NCK2: variants seen among roughly 807,000 people sequenced by gnomAD.
NCK2 encodes NCK adaptor protein 2.
NCK2 carries 16 observed loss-of-function variants against 33.9 expected under a neutral mutation model. The ratio of observed to expected loss-of-function variants is 0.47; its 90% CI spans 0.32 to 0.72. NCK2 has a LOEUF of 0.72. Among genes scored for constraint, NCK2 ranks in the 30% least tolerant of loss-of-function variants. The pLI, the probability that NCK2 is intolerant of heterozygous loss-of-function variation, is 0.03. For synonymous variants in NCK2, 273 were observed against 239.9 expected (o/e 1.14, Z -1.27); for missense variants, 418 against 537.3 (o/e 0.78, Z 2.19).
At chr2:105,861,903 T>TCCCTCCCTC (rs1677550305) in intron 3 of NCK2, among the ~76,000 whole-genome samples, 1 of 114,792 alleles carries the variant, frequency 8.7e-6, no homozygotes, top group African/African-American at 4.1e-5. Flanking sequence ...TGGAATTCTT[T>TCCCTCCCTC]CCTCCCTCCC....
intron 1 of NCK2, among the ~76,000 whole-genome samples, chr2:105,794,083 CT>C (rs1690990286): frequency 8.0e-6 from 1 of 125,214 alleles, no homozygotes; most frequent in Non-Finnish European, 1.6e-5. Flanking sequence ...GAATCTTGCT[CT>C]GTCGCCCAGG....
chr2:105,761,227 G>C (rs958754544), intron 1 of NCK2, among the ~76,000 whole-genome samples: 1 of 152,224 alleles, frequency 6.6e-6, no homozygotes, highest in Non-Finnish European at 1.5e-5. Flanking sequence ...GCGGTGGTAT[G>C]GACGGGGCAG....
At chr2:105,835,366 T>TAC (rs1676350367) in intron 2 of NCK2, among the ~76,000 whole-genome samples, 1 of 125,376 alleles carries the variant, frequency 8.0e-6, no homozygotes, top group East Asian at 2.2e-4. Context: ...GCTGGTTTTA[T>TAC]ATATATATAC....
rs769007984 is a variant in NCK2 at position 105,881,559 on chromosome 2, A to G, written c.458A>G (p.Tyr153Cys). ...KCSDGWWRGS[Y>C]NGQIGWFPSN... Reference sequence around the variant, plus strand: ...AGCGACGGTTGGTGGCGGGGCAGCTACAACGGGCAGATCGGCTGGTTCCCC... The same window carrying G: ...AGCGACGGTTGGTGGCGGGGCAGCTGCAACGGGCAGATCGGCTGGTTCCCC... The change falls in exon 4 of 5, where the codon TAC (tyrosine) becomes TGC (cysteine). Residue 153 changes from tyrosine to cysteine, a missense_variant. Tyr to Cys is a radical substitution (Grantham distance 194). Transcript: ENST00000233154. The G allele has an allele frequency of 7.4e-6, 12 of 1,613,852 alleles. No individual in the cohort carries two copies. In the Admixed American group the frequency reaches 1.8e-4, roughly 25 times the overall value.
chr2:105,763,834 G>C (rs962157607), intron 1 of NCK2, among the ~76,000 whole-genome samples: 9 of 152,186 alleles, frequency 5.9e-5, no homozygotes, highest in African/African-American at 2.2e-4. Flanking sequence ...AGAAGAATTG[G>C]CTCAGACATT....
intron 2 of NCK2, among the ~76,000 whole-genome samples, chr2:105,842,901 G>A (rs1037519312): frequency 2.6e-5 from 4 of 151,222 alleles, no homozygotes; most frequent in Non-Finnish European, 4.4e-5. Flanking sequence ...GGGGTGGGGG[G>A]GTTCTTACTG....
intron 1 of NCK2, among the ~76,000 whole-genome samples, chr2:105,760,161 A>G (rs1689723907): frequency 6.6e-6 from 1 of 152,196 alleles, no homozygotes; most frequent in Admixed American, 6.5e-5. Flanking sequence ...TTAGAATTCT[A>G]TCTGACAGAT....
chr2:105,844,432 A>G lies in NCK2; in HGVS notation c.-16-10616A>G, dbSNP rs114850077. Among the ~76,000 whole-genome samples, 919 of 152,156 alleles carry G rather than the reference A, an allele frequency of 6.0e-3. 11 individuals are homozygous for G. Among genetic ancestry groups the G allele is most frequent in the African/African-American group, 0.021 (854 of 41,494 alleles). ...TAAAGGAACCTATTTTAGTCTAAAAAATATTTTTGGGCCAGGCATGGTGGC... is the reference window on the plus strand; with the variant it reads ...TAAAGGAACCTATTTTAGTCTAAAAGATATTTTTGGGCCAGGCATGGTGGC... On this transcript the variant is annotated intron_variant, in intron 2 of 4. Transcript: ENST00000233154.
chr2:105,838,355 CTCAG>C (rs1453207944), intron 2 of NCK2, among the ~76,000 whole-genome samples: 1 of 144,562 alleles, frequency 6.9e-6, no homozygotes, highest in Non-Finnish European at 1.5e-5. Context: ...CAATTGCCTT[CTCAG>C]TCATTTAATG....
chr2:105,761,069 C>T (rs933292754), intron 1 of NCK2, among the ~76,000 whole-genome samples: 2 of 152,158 alleles, frequency 1.3e-5, no homozygotes, highest in Admixed American at 6.5e-5. Context: ...GACCCAGTGT[C>T]TGAGGAAGGC....
rs543381007 is a variant in NCK2 at position 105,795,663 on chromosome 2, A to G, written c.-200-20767A>G. Among the ~76,000 whole-genome samples, 3 of 152,342 alleles carry G rather than the reference A, an allele frequency of 2.0e-5. No individual in the cohort carries two copies. In the South Asian group the frequency reaches 6.2e-4, roughly 32 times the overall value. On this transcript the variant is annotated intron_variant, in intron 1 of 4. Transcript: ENST00000233154. Reference sequence around the variant, plus strand: ...CTGCAGGCGTTGTTGATTGTCACCAATTTAGGCAGGGTGTGGATTGTTGTT... The same window carrying G: ...CTGCAGGCGTTGTTGATTGTCACCAGTTTAGGCAGGGTGTGGATTGTTGTT...
At chr2:105,808,493 T>C (rs1675169601) in intron 1 of NCK2, among the ~76,000 whole-genome samples, 1 of 152,136 alleles carries the variant, frequency 6.6e-6, no homozygotes, top group Admixed American at 6.5e-5. Context: ...GCCAAGCACA[T>C]AGTCAGTGCT....
intron 1 of NCK2, among the ~76,000 whole-genome samples, chr2:105,793,052 G>GT (rs1690948992): frequency 6.6e-6 from 1 of 152,042 alleles, no homozygotes; most frequent in Non-Finnish European, 1.5e-5. Context: ...GAAACTGAAG[G>GT]TGAGCATCAA....
intron 2 of NCK2, chr2:105,847,428 A>G (rs1676893908): frequency 6.6e-6 from 1 of 152,186 alleles, no homozygotes; most frequent in Non-Finnish European, 1.5e-5. Context: ...CTTTTGCTGA[A>G]TAATATGTAC....
chr2:105,793,716 C>T (rs1327458355), intron 1 of NCK2, among the ~76,000 whole-genome samples: 1 of 152,234 alleles, frequency 6.6e-6, no homozygotes, highest in East Asian at 1.9e-4. Context: ...CTGCCCCAGC[C>T]TTGGCCAGCG....
intron 2 of NCK2, among the ~76,000 whole-genome samples, chr2:105,837,767 C>T (rs114569174): frequency 0.013 from 2,017 of 152,244 alleles, 46 homozygotes; most frequent in African/African-American, 0.046. Flanking sequence ...ACATTATCAA[C>T]CTTTTTCATT....
intron 3 of NCK2, among the ~76,000 whole-genome samples, chr2:105,866,521 G>C (rs1012016970): frequency 3.3e-5 from 5 of 152,220 alleles, no homozygotes; most frequent in Admixed American, 2.0e-4. Context: ...GGATGAAACT[G>C]TTCCACCTCA....
intron 2 of NCK2, among the ~76,000 whole-genome samples, chr2:105,825,448 A>C (rs1272133899): frequency 6.6e-6 from 1 of 152,208 alleles, no homozygotes; most frequent in East Asian, 1.9e-4. Flanking sequence ...GAAATTTAAC[A>C]AAATATAATG....
At chr2:105,863,177 C>T (rs1453552613) in intron 3 of NCK2, among the ~76,000 whole-genome samples, 1 of 152,212 alleles carries the variant, frequency 6.6e-6, no homozygotes, top group Admixed American at 6.5e-5. Context: ...CCTGGGCTCA[C>T]AGCCTCTGTG....
Sources: gnomAD v4.1 joint callset for allele counts (sites outside exome capture counted in the v4.1 genomes callset) on GRCh38, gnomAD v4.1.1 for gene constraint, MANE v1.5 for transcripts, NCBI Gene and HGNC (gene_info 2026-07-23, HGNC 2026-07-21) for gene names.